MPPED1: variants seen among roughly 807,000 people sequenced by gnomAD.
MPPED1 encodes the protein metallophosphoesterase domain-containing protein 1.
MPPED1 carries 16 observed loss-of-function variants against 36.2 expected under a neutral mutation model. That is an observed-to-expected ratio of 0.44 (90% CI 0.30 to 0.67). The LOEUF (loss-of-function observed/expected upper bound fraction) is 0.67. MPPED1 is among the 30% of genes least tolerant of loss of function. The pLI is 0.10. For missense variants in MPPED1, 307 were observed against 453.4 expected (o/e 0.68, Z 2.93); for synonymous variants, 199 against 191.3 (o/e 1.04, Z -0.33).
chr22:43,470,617 G>T (rs903921968), intron 3 of MPPED1, among the ~76,000 whole-genome samples: 9 of 152,188 alleles, frequency 5.9e-5, no homozygotes. Context: ...CTGAGAGGCG[G>T]GGTAGCATGA....
chr22:43,449,453 C>T (rs1255073075), intron 3 of MPPED1, among the ~76,000 whole-genome samples: 7 of 142,772 alleles, frequency 4.9e-5, no homozygotes, highest in Non-Finnish European at 1.1e-4. Context: ...AGTAGGCTCT[C>T]AGTGTTGTTA....
chr22:43,450,223 G>C (rs2146853065), intron 3 of MPPED1, among the ~76,000 whole-genome samples: 1 of 152,326 alleles, frequency 6.6e-6, no homozygotes, highest in South Asian at 2.1e-4. Context: ...CGTGGACCTG[G>C]GCTAGTTTAA....
At chr22:43,451,567 G>A (rs778131224) in intron 3 of MPPED1, among the ~76,000 whole-genome samples, 20 of 152,236 alleles carry the variant, frequency 1.3e-4, no homozygotes, top group Admixed American at 1.1e-3. Context: ...TGACAGCCAC[G>A]ACACTGAAGG....
chr22:43,447,588 G>T (rs1930388873), intron 3 of MPPED1, among the ~76,000 whole-genome samples: 1 of 151,776 alleles, frequency 6.6e-6, no homozygotes, highest in Non-Finnish European at 1.5e-5. Flanking sequence ...GCCACTTAGA[G>T]AGAGTGGAAA....
chr22:43,501,001 C>A (rs1932717261), intron 5 of MPPED1, among the ~76,000 whole-genome samples: 1 of 152,044 alleles, frequency 6.6e-6, no homozygotes, highest in Non-Finnish European at 1.5e-5. Context: ...GGCTCACACA[C>A]CAGTTCAGGA....
chr22:43,425,922 G>A (rs978298885), intron 2 of MPPED1, among the ~76,000 whole-genome samples: 1 of 152,240 alleles, frequency 6.6e-6, no homozygotes, highest in African/African-American at 2.4e-5. Flanking sequence ...TGATGCCTGT[G>A]TGCGGGGCCA....
chr22:43,496,291 G>GGTA (rs1204860243), intron 4 of MPPED1, among the ~76,000 whole-genome samples: 1 of 29,208 alleles, frequency 3.4e-5, no homozygotes, highest in East Asian at 1.2e-3. Flanking sequence ...TGGTGGTGGA[G>GGTA]GTGGTGGTGG....
intron 3 of MPPED1, among the ~76,000 whole-genome samples, chr22:43,445,983 G>A (rs761357556): frequency 4.3e-5 from 6 of 139,288 alleles, no homozygotes; most frequent in South Asian, 2.4e-4. Context: ...TGATTCTCCC[G>A]CCTTAGCCCC....
intron 4 of MPPED1, among the ~76,000 whole-genome samples, chr22:43,492,035 G>A (rs1932121817): frequency 6.6e-6 from 1 of 151,602 alleles, no homozygotes; most frequent in Non-Finnish European, 1.5e-5. Context: ...TGGAGGTGGT[G>A]GAGGTGGTGG....
At chr22:43,434,070 C>A (rs902388642) in intron 2 of MPPED1, among the ~76,000 whole-genome samples, 1 of 152,214 alleles carries the variant, frequency 6.6e-6, no homozygotes, top group African/African-American at 2.4e-5. Flanking sequence ...GTGCCCAGGG[C>A]AGCTTGCTCA....
At chr22:43,415,411 CT>C (rs967765608) in intron 1 of MPPED1, among the ~76,000 whole-genome samples, 3 of 152,030 alleles carry the variant, frequency 2.0e-5, no homozygotes, top group East Asian at 1.9e-4. Context: ...TTTATTTTGA[CT>C]TTTTTCCCCC....
intron 4 of MPPED1, among the ~76,000 whole-genome samples, chr22:43,497,918 G>GAT (rs1569090486): frequency 2.8e-4 from 13 of 46,070 alleles, no homozygotes; most frequent in African/African-American, 1.4e-3. Flanking sequence ...GGAAGAAGCT[G>GAT]ATATATATAT....
chr22:43,415,383 C>T (rs1266032273), intron 1 of MPPED1, among the ~76,000 whole-genome samples: 1 of 152,022 alleles, frequency 6.6e-6, no homozygotes, highest in African/African-American at 2.4e-5. Context: ...AGGTCTGCTG[C>T]CAACACAAAT....
In MPPED1 at chr22:43,467,593, A is replaced by G. The variant is rs571719007; in HGVS notation, c.407-7143A>G. 1.6e-4 allele frequency among the ~76,000 whole-genome samples: 24 copies of G among 152,350 alleles called. No homozygotes were observed. The South Asian group carries it at 4.1e-3, about 26-fold the overall frequency. On this transcript the variant is annotated intron_variant, in intron 3 of 6. Transcript: ENST00000443721. ...CTCCATCCTGGTGTGTTTCTAGACCATGCGCCATACCGAGAAGTCTGCTAA... is the reference window on the plus strand; with the variant it reads ...CTCCATCCTGGTGTGTTTCTAGACCGTGCGCCATACCGAGAAGTCTGCTAA...
At chr22:43,448,899 T>A (rs1368073328) in intron 3 of MPPED1, among the ~76,000 whole-genome samples, 1 of 152,050 alleles carries the variant, frequency 6.6e-6, no homozygotes, top group Non-Finnish European at 1.5e-5. Flanking sequence ...AGCCCTACAT[T>A]TTTTATTTGT....
At chr22:43,433,146 G>A (rs1929826012) in intron 2 of MPPED1, among the ~76,000 whole-genome samples, 1 of 152,046 alleles carries the variant, frequency 6.6e-6, no homozygotes, top group South Asian at 2.1e-4. Flanking sequence ...GAGGACAGAA[G>A]AGTGGTGGGA....
chr22:43,431,021 A>ATGTTTTT (rs1569066383), intron 2 of MPPED1, among the ~76,000 whole-genome samples: 1 of 42,278 alleles, frequency 2.4e-5, no homozygotes, highest in Non-Finnish European at 5.3e-5. Flanking sequence ...GTTGTTGTTA[A>ATGTTTTT]TTTTTTTTTT....
chr22:43,455,609 A>G (rs1287990217), intron 3 of MPPED1, among the ~76,000 whole-genome samples: 1 of 151,758 alleles, frequency 6.6e-6, no homozygotes, highest in Non-Finnish European at 1.5e-5. Context: ...TGCCATCACT[A>G]GAGCTATTTT....
At chr22:43,423,096 CGAA>C (rs1462461626) in intron 1 of MPPED1, among the ~76,000 whole-genome samples, 3 of 152,162 alleles carry the variant, frequency 2.0e-5, no homozygotes, top group Admixed American at 6.5e-5. Flanking sequence ...CTCAGCCTCC[CGAA>C]GTGCTGGGAT....
Sources: allele counts gnomAD v4.1 joint callset (sites outside exome capture counted in the v4.1 genomes callset), GRCh38; gene constraint gnomAD v4.1.1; transcripts MANE v1.5; gene names NCBI Gene and HGNC (gene_info 2026-07-23, HGNC 2026-07-21).